The following WDFY4 variants were observed in gnomAD, a reference collection of about 807,000 sequenced individuals.
WDFY4 encodes the protein WD repeat- and FYVE domain-containing protein 4.
A neutral mutation model predicts 351.9 loss-of-function variants in WDFY4; 169 were observed. The ratio of observed to expected loss-of-function variants is 0.48; its 90% CI spans 0.42 to 0.55. The LOEUF is 0.55. Among genes scored for constraint, WDFY4 ranks in the 20% least tolerant of loss-of-function variants. The pLI, the probability that WDFY4 is intolerant of heterozygous loss-of-function variation, is 0.00. For synonymous variants in WDFY4, 1,622 were observed against 1,574.6 expected (o/e 1.03, Z -0.71); for missense variants, 3,803 against 3,935.6 (o/e 0.97, Z 0.90).
At chr10:48,719,969 G>A in intron 2 of WDFY4, 42 bp from the exon 3 acceptor site, 1 of 1,528,246 alleles carries the variant, frequency 6.5e-7, no homozygotes, top group South Asian at 1.2e-5. Flanking sequence ...TGCCCTGCTT[G>A]TGGCATTGCT....
At chr10:48,955,183 G>A (rs1002383228) in intron 51 of WDFY4, among the ~76,000 whole-genome samples, 16 of 152,116 alleles carry the variant, frequency 1.1e-4, no homozygotes, top group African/African-American at 2.9e-4. Flanking sequence ...TATTTATTTC[G>A]ACACCCCACC....
intron 23 of WDFY4, among the ~76,000 whole-genome samples, chr10:48,795,491 G>GTATATATATATATATATA (rs60705301): frequency 6.9e-5 from 7 of 101,230 alleles, no homozygotes; most frequent in Admixed American, 2.0e-4. Flanking sequence ...GTGTGTGTCT[G>GTATATATATATATATATA]TATATATATA....
chr10:48,840,425 T>TACACACAC lies in WDFY4; in HGVS notation c.6663+7731_6663+7738dup, dbSNP rs10637501. 2.8e-3 allele frequency among the ~76,000 whole-genome samples: 409 copies of TACACACAC among 145,730 alleles called. 2 individuals are homozygous for TACACACAC. The highest frequency in any genetic ancestry group is 9.8e-3 in the African/African-American group (387 of 39,596). On this transcript the variant is annotated intron_variant, in intron 39 of 61. Transcript: ENST00000325239. The stretch of plus-strand genomic sequence containing the variant: ...CTTGACACACACACACACATACACA[T>TACACACAC]ACACACACACACACACACACACCTC...
intron 8 of WDFY4, among the ~76,000 whole-genome samples, chr10:48,730,863 G>A (rs2132335197): frequency 1.3e-5 from 2 of 152,232 alleles, no homozygotes; most frequent in Middle Eastern, 6.8e-3. Flanking sequence ...GAAATCTAAT[G>A]TGTATTTGAT....
At chr10:48,914,010 A>G (rs1181964947) in intron 47 of WDFY4, 1 of 1,614,188 alleles carries the variant, frequency 6.2e-7, no homozygotes, top group Admixed American at 1.7e-5. Context: ...CATGTCACTA[A>G]GGCGCAGAAT....
At chr10:48,799,413 G>A (rs1199706948) in intron 24 of WDFY4, among the ~76,000 whole-genome samples, 1 of 152,214 alleles carries the variant, frequency 6.6e-6, no homozygotes, top group African/African-American at 2.4e-5. Flanking sequence ...TGTGTGCACT[G>A]TACGTGCCCA....
intron 22 of WDFY4, among the ~76,000 whole-genome samples, chr10:48,790,360 G>A: frequency 6.6e-6 from 1 of 152,228 alleles, no homozygotes; most frequent in East Asian, 1.9e-4. Context: ...ATTGGTGCAA[G>A]TGCCCTGCCC....
intron 46 of WDFY4, among the ~76,000 whole-genome samples, chr10:48,901,412 T>A (rs1366567149): frequency 6.6e-6 from 1 of 152,140 alleles, no homozygotes; most frequent in South Asian, 2.1e-4. Flanking sequence ...TAATGCAGAC[T>A]CCACAACCAC....
chr10:48,721,111 G>T, intron 3 of WDFY4, 150 bp from the exon 4 acceptor site: 1 of 693,714 alleles, frequency 1.4e-6, no homozygotes, highest in African/African-American at 1.8e-5. Context: ...GCGTTTGGTA[G>T]AGATGCAGGT....
intron 27 of WDFY4, among the ~76,000 whole-genome samples, chr10:48,807,559 TAATAATTTAA>T (rs1196552087): frequency 6.6e-6 from 1 of 152,262 alleles, no homozygotes; most frequent in East Asian, 1.9e-4. Flanking sequence ...TTGCAGCCTA[TAATAATTTAA>T]AAAATTCTTC....
intron 47 of WDFY4, chr10:48,910,958 T>A (rs1837944419): frequency 1.0e-6 from 1 of 971,848 alleles, no homozygotes; most frequent in Non-Finnish European, 1.2e-6. Context: ...GGAGGGAAAA[T>A]TAATTCTAAA....
intron 47 of WDFY4, among the ~76,000 whole-genome samples, chr10:48,939,936 C>G (rs1277561310): frequency 6.6e-6 from 1 of 152,252 alleles, no homozygotes; most frequent in East Asian, 1.9e-4. Flanking sequence ...AGAACCTTGT[C>G]TGAAAGGGAG....
At chr10:48,810,880 C>T in intron 29 of WDFY4, 145 bp downstream of exon 29, 1 of 820,276 alleles carries the variant, frequency 1.2e-6, no homozygotes, top group Non-Finnish European at 1.8e-6. Context: ...GGCCTACATC[C>T]AAATGAGCCC....
chr10:48,938,498 G>T (rs1035756233), intron 47 of WDFY4, among the ~76,000 whole-genome samples: 1 of 152,278 alleles, frequency 6.6e-6, no homozygotes, highest in Non-Finnish European at 1.5e-5. Flanking sequence ...TGGAGGAAGA[G>T]CTCTTGGAAC....
intron 2 of WDFY4, among the ~76,000 whole-genome samples, chr10:48,713,346 A>G (rs1393591672): frequency 6.6e-6 from 1 of 152,208 alleles, no homozygotes; most frequent in Non-Finnish European, 1.5e-5. Context: ...TTCCCAGAAA[A>G]GAACTTCCCG....
intron 39 of WDFY4, among the ~76,000 whole-genome samples, chr10:48,833,452 C>T (rs1331923168): frequency 1.3e-5 from 2 of 152,030 alleles, no homozygotes; most frequent in Non-Finnish European, 2.9e-5. Flanking sequence ...AGAGAGAGAG[C>T]TCATCAGGCA....
intron 49 of WDFY4, among the ~76,000 whole-genome samples, chr10:48,944,555 C>A (rs931801890): frequency 6.6e-6 from 1 of 152,194 alleles, no homozygotes; most frequent in Non-Finnish European, 1.5e-5. Flanking sequence ...GCCAGTCCTG[C>A]GTAGGGCTGC....
At chr10:48,779,449 C>A (rs73308070) in intron 18 of WDFY4, among the ~76,000 whole-genome samples, 1 of 152,244 alleles carries the variant, frequency 6.6e-6, no homozygotes, top group Non-Finnish European at 1.5e-5. Flanking sequence ...GAGAGTGTCA[C>A]TGTTTCATAG....
chr10:48,937,198 T>G (rs1400394779), intron 47 of WDFY4, among the ~76,000 whole-genome samples: 1 of 152,170 alleles, frequency 6.6e-6, no homozygotes, highest in African/African-American at 2.4e-5. Context: ...CAGCCAACTT[T>G]CAGATTTTTA....
Sources: gnomAD v4.1 joint callset for allele counts (sites outside exome capture counted in the v4.1 genomes callset) on GRCh38, gnomAD v4.1.1 for gene constraint, MANE v1.5 for transcripts, NCBI Gene and HGNC (gene_info 2026-07-23, HGNC 2026-07-21) for gene names.